SH3D19: variants seen among roughly 807,000 people sequenced by gnomAD.
The protein encoded by SH3D19 is SH3 domain-containing protein 19.
SH3D19 carries 58 observed loss-of-function variants against 112.1 expected under a neutral mutation model. The observed-to-expected ratio is 0.52, with a 90% confidence interval of 0.42 to 0.64. The LOEUF (loss-of-function observed/expected upper bound fraction) is 0.64, where lower values mean the gene tolerates loss of function less well. Among genes scored for constraint, SH3D19 ranks in the 30% least tolerant of loss-of-function variants. SH3D19 has a pLI of 0.00. For synonymous variants in SH3D19, 391 were observed against 448.5 expected (o/e 0.87, Z 1.62); for missense variants, 1,090 against 1,263.4 (o/e 0.86, Z 2.08).
intron 1 of SH3D19, among the ~76,000 whole-genome samples, chr4:151,296,488 AAAAT>A (rs1236253076): frequency 6.6e-6 from 1 of 152,128 alleles, no homozygotes. Context: ...TCCCCTGCAG[AAAAT>A]AAATAAATAA....
At chr4:151,312,046 A>G (rs955208858) in intron 1 of SH3D19, among the ~76,000 whole-genome samples, 1 of 152,176 alleles carries the variant, frequency 6.6e-6, no homozygotes, top group Non-Finnish European at 1.5e-5. Context: ...CACTATAAGA[A>G]ACAAAAAAAA....
At chr4:151,182,407 G>T (rs1761101637) in intron 3 of SH3D19, among the ~76,000 whole-genome samples, 3 of 152,196 alleles carry the variant, frequency 2.0e-5, no homozygotes, top group Non-Finnish European at 4.4e-5. Flanking sequence ...TAATTCAGTA[G>T]TCGATCTACA....
chr4:151,184,922 C>T (rs1761504626), intron 3 of SH3D19, among the ~76,000 whole-genome samples: 1 of 151,948 alleles, frequency 6.6e-6, no homozygotes, highest in African/African-American at 2.4e-5. Flanking sequence ...AAGTGCCAGA[C>T]ACAATAACCT....
At chr4:151,248,469 C>T (rs763666017) in intron 1 of SH3D19, among the ~76,000 whole-genome samples, 23 of 152,134 alleles carry the variant, frequency 1.5e-4, no homozygotes, top group Non-Finnish European at 3.1e-4. Context: ...TATTTGATTT[C>T]TGATTCTTGC....
At chr4:151,204,686 T>A (rs2149893228) in intron 2 of SH3D19, among the ~76,000 whole-genome samples, 1 of 152,344 alleles carries the variant, frequency 6.6e-6, no homozygotes, top group South Asian at 2.1e-4. Flanking sequence ...ACATCAGGCC[T>A]ACATAAACTA....
At position 151,174,854 on chromosome 4, in the gene SH3D19, G is replaced by A. The variant is rs1356214372; in HGVS notation, c.1350C>T (p.Leu450=). 3.8e-6 allele frequency: 6 copies of A among 1,598,032 alleles called. No homozygotes were observed. The Admixed American group carries it at 5.1e-5, about 14-fold the overall frequency. The change falls in exon 7 of 20, where the codon CTC becomes CTT. Residue 450 remains leucine (L), a synonymous_variant. Coordinates refer to ENST00000604030, the MANE Select transcript of SH3D19 (RefSeq NM_001378122.1). The part of the protein sequence containing the change: ...PLKPVTVPPR[L]AGASQAKAYK... ...ATGCTTTGGCTTGTGATGCCCCTGC[G>A]AGTCGGGGAGGAACAGTGACAGGTT...
chr4:151,134,298 A>C (rs1751363742), intron 15 of SH3D19, among the ~76,000 whole-genome samples: 1 of 151,798 alleles, frequency 6.6e-6, no homozygotes, highest in South Asian at 2.1e-4. Flanking sequence ...AATTCTATTA[A>C]TTTGCTCATT....
chr4:151,309,561 A>G (rs1729234814), intron 1 of SH3D19, among the ~76,000 whole-genome samples: 1 of 152,268 alleles, frequency 6.6e-6, no homozygotes, highest in East Asian at 1.9e-4. Context: ...AAAGATGAAT[A>G]GATGTTTTTT....
rs191793520 is a variant in SH3D19, at chr4:151,133,782, T to G, written c.2487-546A>C. ...CTTGGCATATCATAACACACAGTCT[T>G]GGAACTAACCCTGTTGCCTTTAAAA... On this transcript the variant is annotated intron_variant, in intron 15 of 19. Coordinates refer to ENST00000604030, the MANE Select transcript of SH3D19 (RefSeq NM_001378122.1). 2.9e-3 allele frequency among the ~76,000 whole-genome samples: 447 copies of G among 152,310 alleles called. 2 individuals are homozygous for G. Among genetic ancestry groups the G allele is most frequent in the African/African-American group, 0.01 (418 of 41,576 alleles).
intron 11 of SH3D19, among the ~76,000 whole-genome samples, chr4:151,147,304 T>A (rs988812932): frequency 2.6e-5 from 4 of 152,202 alleles, no homozygotes; most frequent in African/African-American, 4.8e-5. Flanking sequence ...AACTATAGTA[T>A]CTGTCAGAGT....
At position 151,286,850 on chromosome 4, in the gene SH3D19, T is replaced by C. The variant is rs1158696857; in HGVS notation, c.112+38391A>G. Among the ~76,000 whole-genome samples the C allele has an allele frequency of 2.6e-5, 4 of 151,658 alleles. No homozygotes were observed. In the East Asian group the frequency reaches 5.8e-4, roughly 22 times the overall value. On this transcript the variant is annotated intron_variant, in intron 1 of 19. Coordinates refer to ENST00000604030, the MANE Select transcript of SH3D19 (RefSeq NM_001378122.1). ...CAAAAATTAGCCAGGCATGGTGGCA[T>C]GTGCCTGTATTCCCAGCTACTCGGG...
At chr4:151,165,496 T>C in intron 8 of SH3D19, 93 bp downstream of exon 8, 1 of 993,910 alleles carries the variant, frequency 1.0e-6, no homozygotes, top group Middle Eastern at 2.2e-4. Flanking sequence ...AATGGCAGAT[T>C]ATACATAATT....
chr4:151,280,892 A>G (rs982611008), intron 1 of SH3D19, among the ~76,000 whole-genome samples: 4 of 152,238 alleles, frequency 2.6e-5, no homozygotes, highest in Admixed American at 2.0e-4. Context: ...ACCCATATGC[A>G]AACTATCAAT....
At chr4:151,283,572 C>T (rs956823772) in intron 1 of SH3D19, among the ~76,000 whole-genome samples, 4 of 143,956 alleles carry the variant, frequency 2.8e-5, no homozygotes, top group African/African-American at 1.0e-4. Flanking sequence ...GGCTTGAGTA[C>T]AGTGGCATGA....
intron 9 of SH3D19, among the ~76,000 whole-genome samples, chr4:151,158,695 T>A (rs11099786): frequency 0.84 from 123,792 of 147,726 alleles, 52,873 homozygotes; most frequent in Non-Finnish European, 0.94. Flanking sequence ...AAAAAAAAAA[T>A]AAATAAAAGT....
chr4:151,174,190 GC>G (rs944822591), intron 7 of SH3D19, among the ~76,000 whole-genome samples: 2 of 152,268 alleles, frequency 1.3e-5, no homozygotes, highest in East Asian at 3.9e-4. Context: ...CCCAGCTGAG[GC>G]CCATTTCATC....
At chr4:151,230,093 T>A (rs1055134238) in intron 1 of SH3D19, among the ~76,000 whole-genome samples, 4 of 152,208 alleles carry the variant, frequency 2.6e-5, no homozygotes, top group Non-Finnish European at 4.4e-5. Context: ...GGATTCTGTG[T>A]AAGAACTCCA....
chr4:151,302,592 A>AATG (rs568461631), intron 1 of SH3D19, among the ~76,000 whole-genome samples: 7 of 152,304 alleles, frequency 4.6e-5, no homozygotes, highest in South Asian at 4.2e-4. Context: ...ACTTTGTTGC[A>AATG]ATGACTCAAC....
intron 1 of SH3D19, among the ~76,000 whole-genome samples, chr4:151,268,487 A>T (rs1032357710): frequency 1.3e-5 from 2 of 151,386 alleles, no homozygotes; most frequent in African/African-American, 4.9e-5. Context: ...CATGTGCACA[A>T]TGTGCAGGTT....
Sources: gnomAD v4.1 joint callset for allele counts (sites outside exome capture counted in the v4.1 genomes callset) on GRCh38, gnomAD v4.1.1 for gene constraint, MANE v1.5 for transcripts, NCBI Gene and HGNC (gene_info 2026-07-23, HGNC 2026-07-21) for gene names.